NAE1: variants seen among roughly 807,000 people sequenced by gnomAD.
The protein encoded by NAE1 is NEDD8-activating enzyme E1 regulatory subunit.
Under a neutral mutation model 88.0 loss-of-function variants are expected in NAE1, and 59 were observed. That is an observed-to-expected ratio of 0.67 (90% CI 0.54 to 0.83). NAE1 has a LOEUF of 0.83. Ranked by LOEUF, NAE1 falls within the 40% of genes least tolerant of loss-of-function variation. The probability of loss-of-function intolerance (pLI) is 0.00; values close to 1 mark genes in which losing one functional copy is unlikely to be tolerated. For synonymous variants in NAE1, 186 were observed against 208.9 expected, an observed-to-expected ratio of 0.89 and a Z score of 0.95; for missense variants, 554 against 632.8, an observed-to-expected ratio of 0.88 and a Z score of 1.34.
intron 1 of NAE1, 131 bp downstream of exon 1, chr16:66,830,716 G>A (rs1960659599): frequency 2.4e-6 from 2 of 832,378 alleles, no homozygotes; most frequent in African/African-American, 1.8e-5. Flanking sequence ...GGCTTCCCGC[G>A]CCCCGCACGG....
intron 4 of NAE1, 143 bp downstream of exon 4, chr16:66,824,712 T>C (rs1960395922): frequency 5.8e-6 from 4 of 695,340 alleles, no homozygotes; most frequent in South Asian, 2.0e-5. Context: ...ACCAAACATA[T>C]GAAGATTTAC....
chr16:66,826,390 C>A, intron 3 of NAE1, 133 bp downstream of exon 3: 1 of 790,744 alleles, frequency 1.3e-6, no homozygotes, highest in Admixed American at 2.5e-5. Flanking sequence ...TATATTATCT[C>A]ACTTCCTCAC....
At chr16:66,826,456 G>C in intron 3 of NAE1, 67 bp downstream of exon 3, 1 of 1,430,888 alleles carries the variant, frequency 7.0e-7, no homozygotes. Flanking sequence ...CCTGACTGAG[G>C]AGGTGAAGCT....
chr16:66,818,945 T>G (rs1960154570), intron 7 of NAE1, among the ~76,000 whole-genome samples: 1 of 152,178 alleles, frequency 6.6e-6, no homozygotes, highest in Admixed American at 6.5e-5. Context: ...ATTACAGGTG[T>G]GAGCCACCGT....
chr16:66,813,727 G>A (rs1383334092), intron 12 of NAE1, 30 bp from the exon 13 acceptor site: 1 of 1,610,522 alleles, frequency 6.2e-7, no homozygotes, highest in Non-Finnish European at 8.5e-7. Flanking sequence ...TTAACATTAA[G>A]TGGCGTTTTA....
intron 11 of NAE1, among the ~76,000 whole-genome samples, chr16:66,814,126 A>G (rs1204747572): frequency 6.6e-6 from 1 of 152,216 alleles, no homozygotes; most frequent in Non-Finnish European, 1.5e-5. Flanking sequence ...ATTATTTTAT[A>G]TAGTTACATC....
chr16:66,807,666 C>G (rs923916391), intron 17 of NAE1, among the ~76,000 whole-genome samples: 2 of 151,490 alleles, frequency 1.3e-5, no homozygotes, highest in African/African-American at 4.8e-5. Flanking sequence ...AGACTATAAA[C>G]TCTGGAGACA....
At position 66,817,067 on chromosome 16, in the gene NAE1, A is replaced by T. The variant is rs773980878; in HGVS notation, c.685-39T>A. 1.9e-6 allele frequency: 3 copies of T among 1,568,288 alleles called. No individual in the cohort carries two copies. The South Asian group carries it at 3.6e-5, about 19-fold the overall frequency. ...AAATTTTAAAAATCTAGTTATTAAAATTCAAAATACAGAAATTGAAAGTCT... is the reference window on the plus strand; with the variant it reads ...AAATTTTAAAAATCTAGTTATTAAATTTCAAAATACAGAAATTGAAAGTCT... On this transcript the variant is annotated intron_variant, in intron 9 of 19. Coordinates refer to ENST00000290810, the MANE Select transcript of NAE1 (RefSeq NM_003905.4).
intron 7 of NAE1, among the ~76,000 whole-genome samples, chr16:66,819,719 T>C (rs1411176677): frequency 6.6e-6 from 1 of 152,212 alleles, no homozygotes; most frequent in Non-Finnish European, 1.5e-5. Context: ...AAGTTTTGCA[T>C]TTTGGAGCAT....
rs1482826263 is a variant in NAE1, at chr16:66,803,205, T to C, written c.1496-87A>G. 3 of 935,562 alleles carry C rather than the reference T, an allele frequency of 3.2e-6. No individual in the cohort carries two copies. In the East Asian group the frequency reaches 7.8e-5, roughly 24 times the overall value. The allele number at this position is 935,562 out of a possible 1,614,324, so 58.0% of individuals were successfully genotyped here. On this transcript the variant is annotated intron_variant, in intron 19 of 19. Transcript: ENST00000290810. ...AATTCTGTAAAGAAACTTTTCCTTT[T>C]CAAAAGCAAAGGTGTTTTAAAGTGA...
Position 66,830,836 on chromosome 16 carries a change from C to A in NAE1, c.53+11G>T, listed in dbSNP as rs1474900567. On this transcript the variant is annotated intron_variant, in intron 1 of 19. Transcript: ENST00000290810. ...GCCGGCCCGCCCTCGGCTCGGTGAG[C>A]CTCGGCTCACCTCAGCTGCCGGTCG... 2.2e-5 allele frequency: 33 copies of A among 1,511,796 alleles called. No individual in the cohort carries two copies. Among genetic ancestry groups the A allele is most frequent in the Non-Finnish European group, 2.8e-5 (32 of 1,137,596 alleles). The allele number at this position is 1,511,796 out of a possible 1,614,324, so 93.6% of individuals were successfully genotyped here. A position where few individuals can be genotyped will look rare whatever the true frequency, so the allele number is the denominator to read the frequency against.
chr16:66,814,671 T>C (rs1361110729), intron 11 of NAE1, among the ~76,000 whole-genome samples: 2 of 150,380 alleles, frequency 1.3e-5, no homozygotes, highest in African/African-American at 4.9e-5. Flanking sequence ...AAAAAAGAAA[T>C]GTCTCAGTGG....
At chr16:66,830,345 ATATTGGGTTAAATTG>A (rs1597054119) in intron 1 of NAE1, among the ~76,000 whole-genome samples, 1 of 152,380 alleles carries the variant, frequency 6.6e-6, no homozygotes, top group Admixed American at 6.5e-5. Context: ...TGTTTTGGAC[ATATTGGGTTAAATTG>A]TATTTAAAAA....
At chr16:66,807,394 C>T (rs1284559364) in intron 17 of NAE1, among the ~76,000 whole-genome samples, 1 of 152,110 alleles carries the variant, frequency 6.6e-6, no homozygotes, top group Non-Finnish European at 1.5e-5. Context: ...AATCCCTGCA[C>T]TTTGGGAGGC....
intron 4 of NAE1, among the ~76,000 whole-genome samples, chr16:66,824,326 C>T (rs1960376633): frequency 6.6e-6 from 1 of 152,068 alleles, no homozygotes; most frequent in Admixed American, 6.6e-5. Context: ...GGCGTGGTGG[C>T]TCATGCCTGT....
intron 17 of NAE1, among the ~76,000 whole-genome samples, chr16:66,808,298 A>G (rs929851163): frequency 6.6e-5 from 10 of 152,218 alleles, no homozygotes; most frequent in Non-Finnish European, 1.5e-4. Flanking sequence ...TTCTATACAT[A>G]TTCAACCAAC....
chr16:66,808,659 TAACA>T, intron 16 of NAE1, 46 bp from the exon 17 acceptor site: 10 of 1,349,078 alleles, frequency 7.4e-6, no homozygotes, highest in Non-Finnish European at 1.1e-5. Context: ...ATTTGCAATG[TAACA>T]AACAATGAAG....
chr16:66,820,490 G>A (rs1237139591), intron 7 of NAE1, among the ~76,000 whole-genome samples: 1 of 152,210 alleles, frequency 6.6e-6, no homozygotes, highest in Non-Finnish European at 1.5e-5. Context: ...TGGTGCAGTG[G>A]CTCACACCTG....
intron 9 of NAE1, 186 bp from the exon 10 acceptor site, chr16:66,817,214 G>C (rs1960080498): frequency 2.2e-6 from 2 of 903,534 alleles, no homozygotes; most frequent in Non-Finnish European, 3.3e-6. Flanking sequence ...CCCCCTGCCA[G>C]TTTCATAATG....
Sources: gnomAD v4.1 joint callset for allele counts (sites outside exome capture counted in the v4.1 genomes callset) on GRCh38, gnomAD v4.1.1 for gene constraint, MANE v1.5 for transcripts, NCBI Gene and HGNC (gene_info 2026-07-23, HGNC 2026-07-21) for gene names.